Variants in VIRMA observed in about 807,000 individuals in gnomAD.
VIRMA encodes the protein vir like m6A methyltransferase associated, also known as protein virilizer homolog.
In VIRMA, 65 loss-of-function variants were observed where a neutral mutation model predicts 182.4. The ratio of observed to expected loss-of-function variants is 0.36; its 90% CI spans 0.29 to 0.44. VIRMA has a LOEUF of 0.44. Among genes scored for constraint, VIRMA ranks in the 20% least tolerant of loss-of-function variants. The pLI is 1.00. For missense variants in VIRMA, 1,752 were observed against 2,158.1 expected (o/e 0.81, Z 3.73); for synonymous variants, 709 against 743.1 (o/e 0.95, Z 0.75).
At chr8:94,498,183 G>C (rs1813856742) in intron 17 of VIRMA, 1 of 152,156 alleles carries the variant, frequency 6.6e-6, no homozygotes, top group Non-Finnish European at 1.5e-5. Context: ...AGTAAGGCAG[G>C]CATATTAATG....
chr8:94,537,232 AT>A (rs1229629010), intron 3 of VIRMA, 81 bp from the exon 4 acceptor site: 1 of 905,828 alleles, frequency 1.1e-6, no homozygotes, highest in Non-Finnish European at 1.8e-6. Flanking sequence ...AGATTCAAAT[AT>A]TTTAATATAA....
rs1326323264 is a variant in VIRMA at position 94,537,231 on chromosome 8, T to C, written c.267-80A>G. ...ATGAAGACGTCTCTCTAGATTCAAA[T>C]ATTTTAATATAATCAAATGCTAGAT... On this transcript the variant is annotated intron_variant, in intron 3 of 23. Coordinates refer to ENST00000297591, the MANE Select transcript of VIRMA (RefSeq NM_015496.5). 7 of 905,074 alleles carry C rather than the reference T, an allele frequency of 7.7e-6. No homozygotes were observed. In the East Asian group the frequency reaches 1.5e-4, roughly 19 times the overall value. 56.1% of individuals were successfully genotyped at this position (905,074 alleles called of 1,614,324 possible).
In VIRMA at chr8:94,528,763, C is replaced by T. The variant is rs550793728; in HGVS notation, c.880+307G>A. Among the ~76,000 whole-genome samples the T allele has an allele frequency of 1.1e-4, 16 of 152,250 alleles. No individual in the cohort carries two copies. The South Asian group carries it at 3.3e-3, about 32-fold the overall frequency. On this transcript the variant is annotated intron_variant, in intron 7 of 23. Coordinates refer to ENST00000297591, the MANE Select transcript of VIRMA (RefSeq NM_015496.5). ...TAACCAACATGTATTTGTTACATGA[C>T]CCTGTTTTCCTGGCAAAAGCTGATG...
At chr8:94,501,146 C>T (rs1478709959) in intron 16 of VIRMA, among the ~76,000 whole-genome samples, 1 of 150,550 alleles carries the variant, frequency 6.6e-6, no homozygotes, top group Non-Finnish European at 1.5e-5. Flanking sequence ...ATCCCAGCTA[C>T]TCGGGAGGCT....
intron 1 of VIRMA, among the ~76,000 whole-genome samples, chr8:94,544,655 T>C (rs1251509793): frequency 2.9e-5 from 3 of 102,946 alleles, no homozygotes; most frequent in African/African-American, 3.9e-5. Context: ...AGCGAGCGAC[T>C]CTGTCTCAAA....
intron 22 of VIRMA, 67 bp from the exon 23 acceptor site, chr8:94,490,149 G>T: frequency 6.7e-7 from 1 of 1,501,230 alleles, no homozygotes; most frequent in East Asian, 2.3e-5. Flanking sequence ...TTAAGTGACA[G>T]ATTTTTCTTA....
intron 2 of VIRMA, among the ~76,000 whole-genome samples, chr8:94,540,461 CTTTTT>C (rs963429701): frequency 7.8e-6 from 1 of 128,632 alleles, no homozygotes; most frequent in African/African-American, 2.8e-5. Context: ...TTCTTCTTTT[CTTTTT>C]TTTTTTTTTT....
intron 9 of VIRMA, among the ~76,000 whole-genome samples, chr8:94,518,737 T>C (rs1814649224): frequency 6.6e-6 from 1 of 152,236 alleles, no homozygotes; most frequent in South Asian, 2.1e-4. Context: ...CAGGGGGTAC[T>C]ACAGTTGCAA....
Position 94,489,996 on chromosome 8 carries a change from C to T in VIRMA, c.5227G>A (p.Gly1743Ser). The T allele has an allele frequency of 6.2e-7, 1 of 1,614,182 alleles. No individual in the cohort carries two copies. Residue 1743 changes from glycine to serine, a missense_variant, in exon 23 of 24, where the codon GGC becomes AGC. Coordinates refer to ENST00000297591, the MANE Select transcript of VIRMA (RefSeq NM_015496.5). ...GGGCCTCTGTTAAAATTGCTCTGGCCTCCACGACTTTCATTGTAATTTCCT... is the reference window on the plus strand; with the variant it reads ...GGGCCTCTGTTAAAATTGCTCTGGCTTCCACGACTTTCATTGTAATTTCCT... Reference protein sequence around the residue: ...PRGNYNESRGGQSNFNRGPLP... With the variant: ...PRGNYNESRGSQSNFNRGPLP...
intron 10 of VIRMA, among the ~76,000 whole-genome samples, chr8:94,515,892 T>TC (rs1586084522): frequency 6.6e-6 from 1 of 151,570 alleles, no homozygotes; most frequent in East Asian, 2.0e-4. Context: ...GATCGACAGA[T>TC]GGAGACCATC....
chr8:94,502,976 T>C (rs935156494), intron 16 of VIRMA, among the ~76,000 whole-genome samples: 8 of 152,262 alleles, frequency 5.3e-5, no homozygotes, highest in South Asian at 2.1e-4. Context: ...TATTGAATTA[T>C]ATACAATGAA....
chr8:94,509,961 T>G, intron 14 of VIRMA, 21 bp from the exon 15 acceptor site: 1 of 1,582,816 alleles, frequency 6.3e-7, no homozygotes, highest in Non-Finnish European at 8.6e-7. Context: ...ATCGATACAT[T>G]TAGTAAACAA....
At chr8:94,546,463 T>C (rs1184820733) in intron 1 of VIRMA, among the ~76,000 whole-genome samples, 1 of 151,244 alleles carries the variant, frequency 6.6e-6, no homozygotes, top group East Asian at 1.9e-4. Flanking sequence ...CTCTCCTCCA[T>C]TCCGGCTGTC....
chr8:94,499,089 T>C (rs1048556931), intron 17 of VIRMA: 1 of 179,140 alleles, frequency 5.6e-6, no homozygotes, highest in Admixed American at 6.2e-5. Flanking sequence ...TAAAATAAAA[T>C]AAAATAAAAT....
intron 20 of VIRMA, among the ~76,000 whole-genome samples, chr8:94,494,263 GGTAACAGA>G (rs1237700694): frequency 1.3e-5 from 2 of 151,726 alleles, no homozygotes; most frequent in African/African-American, 4.8e-5. Context: ...GACCAGCCTG[GGTAACAGA>G]GTGAGACTTT....
rs12677404 is a variant in VIRMA, at chr8:94,508,344, A to G, written c.3879+1344T>C. Among the ~76,000 whole-genome samples, 360 of 152,232 alleles carry G rather than the reference A, an allele frequency of 2.4e-3. 15 individuals carry two copies. The East Asian group carries it at 0.066, about 28-fold the overall frequency. On this transcript the variant is annotated intron_variant, in intron 15 of 23. Transcript: ENST00000297591. ...CGTGATCCACCCATCTCAGCTTCCC[A>G]AAGTGCTAGGATTACAGGCGTGAGC... is the stretch of plus-strand genomic sequence containing the variant.
chr8:94,529,426 A>G (rs1815083073), intron 6 of VIRMA, 84 bp from the exon 7 acceptor site: 13 of 709,338 alleles, frequency 1.8e-5, no homozygotes, highest in Non-Finnish European at 3.1e-5. Flanking sequence ...CAACTACTTA[A>G]TATTTTGGTT....
In VIRMA at chr8:94,492,702, A is replaced by G; in HGVS notation, c.4758T>C (p.Thr1586=). The change falls in exon 21 of 24, where the codon ACT becomes ACC. Residue 1586 remains threonine (T), a synonymous_variant. Transcript: ENST00000297591. ...EPSSPGRTKT[T]KGFKLGKHKH... The stretch of plus-strand genomic sequence containing the variant: ...TGTGCTTCCCAAGTTTGAATCCTTT[A>G]GTAGTCTTGGTTCTTCCTGGAGATG... 1 of 1,614,088 alleles carries G rather than the reference A, an allele frequency of 6.2e-7. No homozygotes were observed.
At chr8:94,490,792 A>T (rs763465312) in intron 22 of VIRMA, among the ~76,000 whole-genome samples, 5 of 152,068 alleles carry the variant, frequency 3.3e-5, no homozygotes, top group Non-Finnish European at 5.9e-5. Flanking sequence ...GGCTGCAGTG[A>T]GCCGAGATTG....
Sources: gnomAD v4.1 joint callset for allele counts (sites outside exome capture counted in the v4.1 genomes callset) on GRCh38, gnomAD v4.1.1 for gene constraint, MANE v1.5 for transcripts, NCBI Gene and HGNC (gene_info 2026-07-23, HGNC 2026-07-21) for gene names.